BRINP3: variants seen among roughly 807,000 people sequenced by gnomAD.
BRINP3 encodes BMP/retinoic acid-inducible neural-specific protein 3.
Under a neutral mutation model 71.0 loss-of-function variants are expected in BRINP3, and 19 were observed. The observed-to-expected ratio is 0.27, with a 90% CI of 0.19 to 0.39. BRINP3 has a LOEUF of 0.39. Ranked by LOEUF, BRINP3 falls within the 10% of genes least tolerant of loss-of-function variation. BRINP3 has a pLI of 1.00. For missense variants in BRINP3, 959 were observed against 940.8 expected, an observed-to-expected ratio of 1.02 and a Z score of -0.25; for synonymous variants, 380 against 337.7, an observed-to-expected ratio of 1.13 and a Z score of -1.37.
intron 2 of BRINP3, among the ~76,000 whole-genome samples, chr1:190,312,092 C>T (rs1243293943): frequency 1.6e-5 from 2 of 121,332 alleles, no homozygotes; most frequent in Non-Finnish European, 3.4e-5. Flanking sequence ...TCTAAGGTCA[C>T]CTTGTAGATA....
At chr1:190,455,332 T>C (rs1228825968) in intron 1 of BRINP3, among the ~76,000 whole-genome samples, 2 of 152,186 alleles carry the variant, frequency 1.3e-5, no homozygotes, top group African/African-American at 4.8e-5. Context: ...GATTTAATTT[T>C]ATTGTATATT....
At position 190,367,299 on chromosome 1, in the gene BRINP3, G is replaced by A. The variant is rs114320277; in HGVS notation, c.237-85549C>T. ...AATGTGAAAGCTGTCTGAAGCAATG[G>A]CCCTACCTGTACCTTGACCCCTTGT... On this transcript the variant is annotated intron_variant, in intron 2 of 7. Transcript: ENST00000367462. Among the ~76,000 whole-genome samples, 220 of 152,242 alleles carry A rather than the reference G, an allele frequency of 1.4e-3. 1 individual carries two copies. Among genetic ancestry groups the A allele is most frequent in the African/African-American group, 5.1e-3 (211 of 41,558 alleles).
chr1:190,313,633 A>G (rs1401327711), intron 2 of BRINP3, among the ~76,000 whole-genome samples: 2 of 152,024 alleles, frequency 1.3e-5, no homozygotes, highest in Non-Finnish European at 1.5e-5. Context: ...TGAGATCTCA[A>G]TAAGTTCTGG....
chr1:190,363,343 T>C (rs1302272008), intron 2 of BRINP3, among the ~76,000 whole-genome samples: 3 of 152,184 alleles, frequency 2.0e-5, no homozygotes, highest in African/African-American at 7.2e-5. Flanking sequence ...AGGACACAGT[T>C]CACCCCTGCC....
rs1334402738 is a variant in BRINP3, at chr1:190,405,450, C to CAAA, written c.236+49202_236+49204dup. Among the ~76,000 whole-genome samples, 58 of 39,132 alleles carry CAAA rather than the reference C, an allele frequency of 1.5e-3. 11 individuals are homozygous for CAAA. Among genetic ancestry groups the CAAA allele is most frequent in the African/African-American group, 3.2e-3 (23 of 7,254 alleles). 25.7% of individuals were successfully genotyped at this position (39,132 alleles called of 152,430 possible). A position where few individuals can be genotyped will look rare whatever the true frequency, so the allele number is the denominator to read the frequency against. ...TGGGCGACAGAGCGAGACTCCGTCT[C>CAAA]AAAAAAAAAAAAAAAAAAAAAAAAA... On this transcript the variant is annotated intron_variant, in intron 2 of 7. Coordinates refer to ENST00000367462, the MANE Select transcript of BRINP3 (RefSeq NM_199051.3).
intron 2 of BRINP3, among the ~76,000 whole-genome samples, chr1:190,359,501 C>T (rs1255799510): frequency 2.0e-5 from 3 of 152,066 alleles, no homozygotes; most frequent in African/African-American, 7.2e-5. Flanking sequence ...TGGCATGCAC[C>T]TGTAGTCTCA....
intron 2 of BRINP3, among the ~76,000 whole-genome samples, chr1:190,427,085 G>T (rs1334005810): frequency 2.0e-5 from 3 of 151,720 alleles, no homozygotes; most frequent in Admixed American, 1.3e-4. Context: ...TGACATCAAA[G>T]ACTTTGTGTA....
intron 6 of BRINP3, among the ~76,000 whole-genome samples, chr1:190,165,255 T>C (rs1004599889): frequency 6.6e-6 from 1 of 152,100 alleles, no homozygotes; most frequent in Non-Finnish European, 1.5e-5. Flanking sequence ...TAAATCCATT[T>C]CTTCTACTTA....
chr1:190,432,662 G>A (rs1674178386), intron 2 of BRINP3, among the ~76,000 whole-genome samples: 1 of 152,150 alleles, frequency 6.6e-6, no homozygotes, highest in African/African-American at 2.4e-5. Context: ...CTGAATTAAA[G>A]CTTCTGAGTC....
chr1:190,226,189 T>C lies in BRINP3; in HGVS notation c.854A>G (p.Lys285Arg), dbSNP rs1213873314. 1.5e-5 allele frequency: 24 copies of C among 1,612,650 alleles called. No individual in the cohort carries two copies. The East Asian group carries it at 1.6e-4, about 10-fold the overall frequency. Residue 285 changes from lysine to arginine, a missense_variant, in exon 6 of 8, where the codon AAA becomes AGA. By Grantham distance (26) the Lys-to-Arg change is conservative (BLOSUM62 2). Transcript: ENST00000367462. ...GGAGGGGCAGTTGCATTCTGGAAAT[T>C]TGGGACCACAGTGACACCAGCAGTC... ...ENDCWCHCGP[K>R]FPECNCPSMD...
chr1:190,126,029 G>T (rs555995190), intron 7 of BRINP3, among the ~76,000 whole-genome samples: 2 of 151,878 alleles, frequency 1.3e-5, no homozygotes, highest in Non-Finnish European at 2.9e-5. Context: ...CGTATCCTGT[G>T]AAAGCTACCA....
chr1:190,368,529 C>T (rs768876647), intron 2 of BRINP3, among the ~76,000 whole-genome samples: 3 of 152,084 alleles, frequency 2.0e-5, no homozygotes, highest in African/African-American at 2.4e-5. Flanking sequence ...CTAGGACTTT[C>T]CTGGGCCTTA....
intron 3 of BRINP3, among the ~76,000 whole-genome samples, chr1:190,278,976 A>G (rs12058682): frequency 0.018 from 2,746 of 151,880 alleles, 80 homozygotes; most frequent in African/African-American, 0.062. Flanking sequence ...GAACTAAGGA[A>G]CAAGAATGTC....
At chr1:190,444,473 T>C (rs971242614) in intron 2 of BRINP3, among the ~76,000 whole-genome samples, 9 of 151,700 alleles carry the variant, frequency 5.9e-5, no homozygotes, top group Non-Finnish European at 1.0e-4. Context: ...CTTACTAATA[T>C]ATTTCCTAGG....
chr1:190,405,569 G>A lies in BRINP3; in HGVS notation c.236+49086C>T, dbSNP rs1459067446. ...GTTTTGAGCTCTGTTGATGCTGCAA[G>A]ATCACAGAGAATGGAGCTTGGAGGC... On this transcript the variant is annotated intron_variant, in intron 2 of 7. Transcript: ENST00000367462. Among the ~76,000 whole-genome samples, 5 of 144,072 alleles carry A rather than the reference G, an allele frequency of 3.5e-5. No individual in the cohort carries two copies. In the Admixed American group the frequency reaches 3.6e-4, roughly 10 times the overall value. 94.5% of individuals were successfully genotyped at this position (144,072 alleles called of 152,430 possible).
chr1:190,392,198 A>C (rs1671294592), intron 2 of BRINP3, among the ~76,000 whole-genome samples: 1 of 151,756 alleles, frequency 6.6e-6, no homozygotes, highest in Non-Finnish European at 1.5e-5. Flanking sequence ...TCATAATATA[A>C]ACATTCAACT....
intron 6 of BRINP3, among the ~76,000 whole-genome samples, chr1:190,193,838 T>C (rs1654251789): frequency 6.6e-6 from 1 of 152,016 alleles, no homozygotes; most frequent in South Asian, 2.1e-4. Flanking sequence ...TAAAATGTAA[T>C]CGTAAAAAAT....
intron 7 of BRINP3, among the ~76,000 whole-genome samples, chr1:190,121,238 T>C (rs994873236): frequency 1.3e-5 from 2 of 152,142 alleles, no homozygotes; most frequent in Non-Finnish European, 1.5e-5. Flanking sequence ...TGTACTGTAC[T>C]GGTACGGTAT....
At position 190,405,478 on chromosome 1, in the gene BRINP3, AAAAAAAAAAAAAAAC is replaced by A. The variant is rs1558256929; in HGVS notation, c.236+49162_236+49176del. On this transcript the variant is annotated intron_variant, in intron 2 of 7. Coordinates refer to ENST00000367462, the MANE Select transcript of BRINP3 (RefSeq NM_199051.3). ...AAAAAAAAAAAAAAAAAAAAAAAAA[AAAAAAAAAAAAAAAC>A]CAGAATCAGAAGCGTGACATATCAT... 1.0e-3 allele frequency among the ~76,000 whole-genome samples: 97 copies of A among 93,238 alleles called. 10 individuals carry two copies. The highest frequency in any genetic ancestry group is 3.7e-3 in the African/African-American group (75 of 20,164). 61.2% of individuals were successfully genotyped at this position (93,238 alleles called of 152,430 possible).
Sources: gnomAD v4.1 joint callset for allele counts (sites outside exome capture counted in the v4.1 genomes callset) on GRCh38, gnomAD v4.1.1 for gene constraint, MANE v1.5 for transcripts, NCBI Gene and HGNC (gene_info 2026-07-23, HGNC 2026-07-21) for gene names.